The following BLTP1 variants were observed in gnomAD, a reference collection of about 807,000 sequenced individuals.
The protein encoded by BLTP1 is fragile site-associated protein.
chr4:122,359,023 T>C, the BLTP1 span, among the ~76,000 whole-genome samples: 37 of 151,530 alleles, frequency 2.4e-4, no homozygotes, highest in African/African-American at 7.7e-4. Flanking sequence ...ACCATTGAAT[T>C]ACACAGCTTA....
At chr4:122,210,204 G>GAAAGAGC in the BLTP1 span, 2 of 193,364 alleles carry the variant, frequency 1.0e-5, no homozygotes, top group African/African-American at 4.7e-5. Context: ...TAAAGTTGAG[G>GAAAGAGC]AAATATGCTC....
the BLTP1 span, chr4:122,328,683 G>C: frequency 1.1e-5 from 11 of 982,782 alleles, no homozygotes; most frequent in African/African-American, 3.5e-5. Context: ...TACATTAACA[G>C]ATTGCAGCAA....
chr4:122,201,242 C>A, the BLTP1 span: 2 of 783,408 alleles, frequency 2.6e-6, no homozygotes, highest in Non-Finnish European at 1.9e-6. Context: ...TTTTCTTCAA[C>A]ATTTCATTTT....
chr4:122,297,764 T>A, the BLTP1 span, among the ~76,000 whole-genome samples: 2 of 152,136 alleles, frequency 1.3e-5, no homozygotes, highest in African/African-American at 4.8e-5. Flanking sequence ...GCAGGGATAT[T>A]GATGGAGCTG....
chr4:122,186,875 A>G, the BLTP1 span: 2 of 234,564 alleles, frequency 8.5e-6, no homozygotes, highest in Non-Finnish European at 1.4e-5. Context: ...TGAAATTTTG[A>G]TTTCTTAACA....
the BLTP1 span, chr4:122,240,187 G>GT: frequency 1.2e-6 from 2 of 1,613,990 alleles, no homozygotes; most frequent in Non-Finnish European, 1.7e-6. Flanking sequence ...GTGATGAATT[G>GT]TTATCAGACT....
chr4:122,352,852 C>A, the BLTP1 span: 632 of 1,594,696 alleles, frequency 4.0e-4, 1 homozygote, highest in Non-Finnish European at 5.1e-4. Context: ...CTACCCTATC[C>A]AAGGGTACTC....
chr4:122,361,874 T>C, the BLTP1 span: 1 of 348,204 alleles, frequency 2.9e-6, no homozygotes, highest in Middle Eastern at 1.5e-3. Context: ...ATTATTATGG[T>C]GAATCCAGGA....
chr4:122,349,828 T>C, the BLTP1 span: 1 of 1,608,542 alleles, frequency 6.2e-7, no homozygotes. This position sits in a 1 kb window ranked among gnomAD's most constrained non-coding sequence, Gnocchi z 4.5. Flanking sequence ...CTGTAAGACA[T>C]CTGACAAAGA....
the BLTP1 span, chr4:122,264,013 T>C: frequency 2.9e-6 from 2 of 683,576 alleles, no homozygotes; most frequent in Non-Finnish European, 3.6e-6. Flanking sequence ...TCTAAAACAG[T>C]ATGTATGTAT....
the BLTP1 span, chr4:122,325,599 C>T: frequency 4.7e-5 from 53 of 1,125,788 alleles, no homozygotes; most frequent in Admixed American, 2.6e-4. Context: ...AATAATTTTT[C>T]TTTCAAGTGA....
the BLTP1 span, among the ~76,000 whole-genome samples, chr4:122,172,564 C>T: frequency 2.6e-5 from 4 of 152,132 alleles, no homozygotes; most frequent in African/African-American, 9.7e-5. Context: ...ATTCCGACTT[C>T]TTTTACTTAA....
the BLTP1 span, among the ~76,000 whole-genome samples, chr4:122,241,142 G>A: frequency 3.5e-4 from 53 of 152,152 alleles, no homozygotes; most frequent in African/African-American, 1.3e-3. Context: ...TGAGATGAAA[G>A]GTCCATCTGA....
At chr4:122,205,252 T>G in the BLTP1 span, among the ~76,000 whole-genome samples, 1 of 151,874 alleles carries the variant, frequency 6.6e-6, no homozygotes, top group Non-Finnish European at 1.5e-5. Flanking sequence ...TTAGGATATC[T>G]TTAATAATAA....
At chr4:122,251,837 TA>T in the BLTP1 span, among the ~76,000 whole-genome samples, 3 of 152,222 alleles carry the variant, frequency 2.0e-5, no homozygotes, top group African/African-American at 7.2e-5. Context: ...ATTTGTCTAC[TA>T]CTCCCTGATG....
chr4:122,333,906 G>A, the BLTP1 span: 29 of 1,419,174 alleles, frequency 2.0e-5, no homozygotes, highest in South Asian at 3.4e-4. Flanking sequence ...ATATTAAAAT[G>A]AGACTTAGTG....
At chr4:122,243,862 A>G in the BLTP1 span, 21 of 1,591,232 alleles carry the variant, frequency 1.3e-5, no homozygotes, top group Non-Finnish European at 1.5e-5. Flanking sequence ...AGTACGCCGT[A>G]TACTCCATTG....
At chr4:122,275,765 T>C in the BLTP1 span, among the ~76,000 whole-genome samples, 1 of 152,106 alleles carries the variant, frequency 6.6e-6, no homozygotes, top group Non-Finnish European at 1.5e-5. Flanking sequence ...AAACTCGTAG[T>C]GTATTCTTTG....
chr4:122,205,632 TC>T, the BLTP1 span, among the ~76,000 whole-genome samples: 354 of 51,676 alleles, frequency 6.9e-3, 20 homozygotes, highest in African/African-American at 0.016. Context: ...TCCAATTGTT[TC>T]CCCCCCCTTC....
Sources: gnomAD v4.1 joint callset for allele counts (sites outside exome capture counted in the v4.1 genomes callset) on GRCh38, gnomAD v4.1.1 for gene constraint, Gnocchi (gnomAD v3.1) non-coding constraint, MANE v1.5 for transcripts, NCBI Gene and HGNC (gene_info 2026-07-23, HGNC 2026-07-21) for gene names.